PCDHGA6: variants seen among roughly 807,000 people sequenced by gnomAD.
The protein encoded by PCDHGA6 is protocadherin gamma-A6.
Under a neutral mutation model 60.6 loss-of-function variants are expected in PCDHGA6, and 41 were observed. That is an observed-to-expected ratio of 0.68 (90% CI 0.53 to 0.88). The LOEUF is 0.88. PCDHGA6 is among the 40% of genes least tolerant of loss of function. The probability of loss-of-function intolerance (pLI) is 0.00; values close to 1 mark genes in which losing one functional copy is unlikely to be tolerated. For missense variants in PCDHGA6, 1,312 were observed against 1,203.0 expected (o/e 1.09, Z -1.34); for synonymous variants, 594 against 524.4 (o/e 1.13, Z -1.81).
chr5:141,430,832 G>A (rs1398773861), intron 1 of PCDHGA6: 1 of 1,555,686 alleles, frequency 6.4e-7, no homozygotes, highest in South Asian at 1.3e-5. Flanking sequence ...GACTCTGTGG[G>A]AGACCGGATG....
intron 1 of PCDHGA6, chr5:141,409,213 C>A (rs1379007048): frequency 6.2e-7 from 1 of 1,613,994 alleles, no homozygotes; most frequent in East Asian, 2.2e-5. Context: ...TCATAGAAAT[C>A]CTTGATGAAA....
In PCDHGA6 at chr5:141,476,651, T is replaced by C. The variant is rs1355056895; in HGVS notation, c.2425-18156T>C. On this transcript the variant is annotated intron_variant, in intron 1 of 3. Coordinates refer to ENST00000517434, the MANE Select transcript of PCDHGA6 (RefSeq NM_018919.3). This position sits in a 1 kb window ranked among gnomAD's most constrained non-coding sequence, Gnocchi z 7.6. ...AACCTATGAGCTGAGCCGAAATGAA[T>C]ACTTTGCGCTTCGCGTGCAGACGCG... is the stretch of plus-strand genomic sequence containing the variant. The C allele has an allele frequency of 3.7e-6, 6 of 1,614,118 alleles. No individual in the cohort carries two copies. Among genetic ancestry groups the C allele is most frequent in the Non-Finnish European group, 5.1e-6 (6 of 1,180,050 alleles).
intron 1 of PCDHGA6, among the ~76,000 whole-genome samples, chr5:141,380,913 T>C (rs1776852594): frequency 6.6e-6 from 1 of 152,242 alleles, no homozygotes; most frequent in African/African-American, 2.4e-5. Flanking sequence ...AGTGCTTACA[T>C]TGTTTAATAA....
intron 1 of PCDHGA6, among the ~76,000 whole-genome samples, chr5:141,472,497 G>A (rs1196427013): frequency 1.3e-5 from 2 of 151,958 alleles, no homozygotes; most frequent in Non-Finnish European, 2.9e-5. Context: ...ACGAGATCGT[G>A]CCACTGCACT....
At chr5:141,433,208 CTT>C (rs745329085) in intron 1 of PCDHGA6, 289 of 1,287,502 alleles carry the variant, frequency 2.2e-4, no homozygotes, top group South Asian at 2.8e-4. Context: ...AATCTTCTTT[CTT>C]TTTTTTTTTT....
intron 1 of PCDHGA6, chr5:141,405,481 G>A: frequency 2.0e-6 from 2 of 992,130 alleles, no homozygotes; most frequent in Middle Eastern, 2.6e-4. Context: ...ATGCAGTGGT[G>A]TGATCTCGGC....
rs759742074 is a variant in PCDHGA6 at position 141,403,012 on chromosome 5, G to T, written c.2424+26505G>T. On this transcript the variant is annotated intron_variant, in intron 1 of 3. Transcript: ENST00000517434. ...GATTAGTCCTGCTATGCTCGCTCCT[G>T]GGGATGCTATGGGAGGCCAGGGCCA... 8.1e-6 allele frequency: 13 copies of T among 1,614,072 alleles called. 1 individual carries two copies. The South Asian group carries it at 1.4e-4, about 18-fold the overall frequency.
chr5:141,413,343 G>A, intron 1 of PCDHGA6: 12 of 1,613,994 alleles, frequency 7.4e-6, no homozygotes, highest in Non-Finnish European at 1.0e-5. Context: ...CCAAGGACTT[G>A]GGTCTGGCGC....
chr5:141,447,136 T>TTTTTTG (rs1304915683), intron 1 of PCDHGA6, among the ~76,000 whole-genome samples: 1 of 152,090 alleles, frequency 6.6e-6, no homozygotes, highest in Non-Finnish European at 1.5e-5. Context: ...TGTTTGTTTG[T>TTTTTTG]TTTTTGTTTT....
Position 141,485,979 on chromosome 5 carries a change from C to T in PCDHGA6, c.2425-8828C>T. ...CTCATCCAGCTCAATGCCTCAGACC[C>T]GGACCTGGGTCCCAGTGGTAACGTC... is the stretch of plus-strand genomic sequence containing the variant. On this transcript the variant is annotated intron_variant, in intron 1 of 3. Coordinates refer to ENST00000517434, the MANE Select transcript of PCDHGA6 (RefSeq NM_018919.3). The surrounding 1 kb of genome is among the most constrained non-coding windows in gnomAD (Gnocchi z 5.7). The T allele has an allele frequency of 1.2e-6, 2 of 1,614,182 alleles. No individual in the cohort carries two copies. The highest frequency in any genetic ancestry group is 1.7e-6 in the Non-Finnish European group (2 of 1,180,022).
At chr5:141,426,680 T>TC in intron 1 of PCDHGA6, 1 of 431,452 alleles carries the variant, frequency 2.3e-6, no homozygotes, top group South Asian at 1.6e-5. Context: ...CACCTCATTT[T>TC]CCCCAAAATA....
chr5:141,478,322 C>A, intron 1 of PCDHGA6: 3 of 1,613,976 alleles, frequency 1.9e-6, no homozygotes, highest in Non-Finnish European at 2.5e-6. Context: ...CTCACTGTAC[C>A]GAACACCAGG....
chr5:141,418,497 CCG>C, intron 1 of PCDHGA6: 1 of 1,613,994 alleles, frequency 6.2e-7, no homozygotes, highest in Non-Finnish European at 8.5e-7. Flanking sequence ...TTGGTACTGA[CCG>C]CCTTAGATGG....
At chr5:141,395,093 C>CT (rs2093169149) in intron 1 of PCDHGA6, 4 of 1,614,040 alleles carry the variant, frequency 2.5e-6, no homozygotes, top group Non-Finnish European at 3.4e-6. Flanking sequence ...TCTCCCTCAC[C>CT]GCCGACTCGC....
intron 3 of PCDHGA6, among the ~76,000 whole-genome samples, chr5:141,510,147 C>T (rs1416633745): frequency 1.3e-5 from 2 of 151,984 alleles, no homozygotes; most frequent in Non-Finnish European, 2.9e-5. Flanking sequence ...GTGGTGTGCA[C>T]CTGTAATCTC....
At chr5:141,398,023 G>C in intron 1 of PCDHGA6, 1 of 1,438,566 alleles carries the variant, frequency 7.0e-7, no homozygotes, top group Non-Finnish European at 9.3e-7. Context: ...TCCTAAACTG[G>C]AACTGGAACT....
intron 1 of PCDHGA6, among the ~76,000 whole-genome samples, chr5:141,448,952 C>A (rs1278778374): frequency 2.6e-5 from 4 of 151,698 alleles, no homozygotes; most frequent in Non-Finnish European, 5.9e-5. Flanking sequence ...CTCAAAAAAA[C>A]AAACAAACAA....
chr5:141,470,130 A>G (rs915991313), intron 1 of PCDHGA6, among the ~76,000 whole-genome samples: 4 of 151,534 alleles, frequency 2.6e-5, no homozygotes, highest in African/African-American at 4.9e-5. Flanking sequence ...CTTCGTCTCA[A>G]AAAAAAAGAT....
At chr5:141,468,849 G>C (rs1349849817) in intron 1 of PCDHGA6, among the ~76,000 whole-genome samples, 2 of 152,058 alleles carry the variant, frequency 1.3e-5, no homozygotes, top group East Asian at 3.9e-4. Flanking sequence ...CTGGGCAACA[G>C]AGCGAGACTC....
Sources: gnomAD v4.1 joint callset for allele counts (sites outside exome capture counted in the v4.1 genomes callset) on GRCh38, gnomAD v4.1.1 for gene constraint, Gnocchi (gnomAD v3.1) non-coding constraint, MANE v1.5 for transcripts, NCBI Gene and HGNC (gene_info 2026-07-23, HGNC 2026-07-21) for gene names.